Variants in WDR86 observed in about 807,000 individuals in gnomAD.
The protein encoded by WDR86 is WD repeat domain 86.
Under a neutral mutation model 36.5 loss-of-function variants are expected in WDR86, and 30 were observed. That is an observed-to-expected ratio of 0.82 (90% confidence interval 0.61 to 1.11). WDR86 has a LOEUF of 1.11. Among genes scored for constraint, WDR86 ranks in the 50% most tolerant of loss-of-function variants. The pLI, the probability that WDR86 is intolerant of heterozygous loss-of-function variation, is 0.00. For missense variants in WDR86, 545 were observed against 561.2 expected, an observed-to-expected ratio of 0.97 and a Z score of 0.29; for synonymous variants, 255 against 252.9, an observed-to-expected ratio of 1.01 and a Z score of -0.08.
At position 151,381,971 on chromosome 7, in the gene WDR86, G is replaced by A; in HGVS notation, c.873C>T (p.Gly291=). The change falls in exon 5 of 6, where the codon GGC becomes GGT. Residue 291 remains glycine (G), a synonymous_variant. Transcript: ENST00000334493. The surrounding 1 kb of genome is among the most constrained non-coding windows in gnomAD (Gnocchi z 4.8). Reference sequence around the variant, plus strand: ...AGGCCCGGGCGCAAGCGTCCCCGCTGCCCGTGAACACTGCGGACACACAGC... The same window carrying A: ...AGGCCCGGGCGCAAGCGTCCCCGCTACCCGTGAACACTGCGGACACACAGC... ...LKYHAGTLFT[G]SGDACARAFD... 1.2e-6 allele frequency: 2 copies of A among 1,602,974 alleles called. No homozygotes were observed. The highest frequency in any genetic ancestry group is 1.7e-6 in the Non-Finnish European group (2 of 1,175,718).
chr7:151,386,492 C>T (rs956244243), intron 3 of WDR86, among the ~76,000 whole-genome samples: 6 of 152,144 alleles, frequency 3.9e-5, no homozygotes, highest in Non-Finnish European at 5.9e-5. Context: ...GCTGGGGTTA[C>T]GGTGGGCCCC....
At chr7:151,395,382 T>C (rs1177654976) in intron 3 of WDR86, among the ~76,000 whole-genome samples, 1 of 152,110 alleles carries the variant, frequency 6.6e-6, no homozygotes, top group African/African-American at 2.4e-5. Flanking sequence ...CCCCTGTACC[T>C]ATGAATGTGG....
chr7:151,387,282 G>A (rs1799056139), intron 3 of WDR86, among the ~76,000 whole-genome samples: 1 of 152,254 alleles, frequency 6.6e-6, no homozygotes, highest in Admixed American at 6.5e-5. Context: ...GGGTGACCAG[G>A]GCAGGAGAGG....
the WDR86 span, among the ~76,000 whole-genome samples, chr7:151,370,518 TTTTA>T: frequency 6.6e-6 from 1 of 152,118 alleles, no homozygotes; most frequent in Non-Finnish European, 1.5e-5. Flanking sequence ...TTATTTTTAT[TTTTA>T]TTTATTTTTT....
chr7:151,391,450 T>C lies in WDR86; in HGVS notation c.726+4326A>G, dbSNP rs144137955. ...GAGTGGTGTCGGGTGAAAGAAATCA[T>C]ATACAAGGGAAGAGAAAGGCAAGAT... On this transcript the variant is annotated intron_variant, in intron 3 of 5. Coordinates refer to ENST00000334493, the MANE Select transcript of WDR86 (RefSeq NM_198285.3). Among the ~76,000 whole-genome samples the C allele has an allele frequency of 8.5e-3, 1,293 of 152,190 alleles. 18 individuals carry two copies. The highest frequency in any genetic ancestry group is 0.03 in the African/African-American group (1,240 of 41,518).
chr7:151,402,070 A>AATATATATATATATAT (rs748373598), intron 1 of WDR86, among the ~76,000 whole-genome samples: 145 of 50,384 alleles, frequency 2.9e-3, no homozygotes, highest in African/African-American at 3.9e-3. Context: ...AAAAAAAAAA[A>AATATATATATATATAT]ATATATATAT....
At chr7:151,377,213 A>G, downstream of WDR86, 1 of 1,536,494 alleles carries the variant, frequency 6.5e-7, no homozygotes, top group Non-Finnish European at 8.8e-7. Flanking sequence ...AGTCAGCAAC[A>G]AAGAAAAACT....
chr7:151,408,553 TCCTA>T, intron 1 of WDR86: 1 of 206,248 alleles, frequency 4.8e-6, no homozygotes, highest in South Asian at 8.9e-5. Context: ...GGGGCTAATA[TCCTA>T]CCTAAGTTGG....
chr7:151,402,831 A>G lies in WDR86; in HGVS notation c.164-2590T>C, dbSNP rs562925703. Among the ~76,000 whole-genome samples, 12 of 152,302 alleles carry G rather than the reference A, an allele frequency of 7.9e-5. No homozygotes were observed. In the South Asian group the frequency reaches 2.3e-3, roughly 29 times the overall value. ...CACCCTGGCTGCCAGATCAATGTTTATGCCTCAGGCATTGCTTAGCAGCCC... is the reference window on the plus strand; with the variant it reads ...CACCCTGGCTGCCAGATCAATGTTTGTGCCTCAGGCATTGCTTAGCAGCCC... On this transcript the variant is annotated intron_variant, in intron 1 of 5. Transcript: ENST00000334493.
In WDR86 at chr7:151,401,701, G is replaced by A. The variant is rs919665090; in HGVS notation, c.164-1460C>T. Among the ~76,000 whole-genome samples the A allele has an allele frequency of 3.9e-5, 6 of 152,084 alleles. No homozygotes were observed. Among genetic ancestry groups the A allele is most frequent in the South Asian group, 2.1e-4 (1 of 4,832 alleles). On this transcript the variant is annotated intron_variant, in intron 1 of 5. Transcript: ENST00000334493. The surrounding 1 kb of genome is among the most constrained non-coding windows in gnomAD (Gnocchi z 4.3). ...GGAAAGGGGTCTTTGTGGATGTGACGAGGTAAAGACTTTGACTGGGGAGAT... is the reference window on the plus strand; with the variant it reads ...GGAAAGGGGTCTTTGTGGATGTGACAAGGTAAAGACTTTGACTGGGGAGAT...
chr7:151,389,629 T>TC (rs1799266191), intron 3 of WDR86, among the ~76,000 whole-genome samples: 1 of 151,516 alleles, frequency 6.6e-6, no homozygotes, highest in African/African-American at 2.4e-5. Context: ...TGGGAAGGAG[T>TC]CTGCCCGCTC....
rs780989696 is a variant in WDR86 at position 151,409,341 on chromosome 7, GGGTCTGCGGGCGCAGGAGCTGGGGTCCGC to G, written c.163+57_163+85del. 4.5e-5 allele frequency: 68 copies of G among 1,523,264 alleles called. No homozygotes were observed. In the East Asian group the frequency reaches 1.6e-3, roughly 36 times the overall value. 94.4% of individuals were successfully genotyped at this position (1,523,264 alleles called of 1,614,324 possible). A position where few individuals can be genotyped will look rare whatever the true frequency, so the allele number is the denominator to read the frequency against. On this transcript the variant is annotated intron_variant, in intron 1 of 5. Coordinates refer to ENST00000334493, the MANE Select transcript of WDR86 (RefSeq NM_198285.3). The surrounding 1 kb of genome is among the most constrained non-coding windows in gnomAD (Gnocchi z 5.2). ...GAGCGGGGGCTGGACTTCTAGAAAG[GGGTCTGCGGGCGCAGGAGCTGGGGTCCGC>G]GGTCTGGGGCCGGTGAGCTGCGGCG...
At chr7:151,394,664 C>T (rs529818263) in intron 3 of WDR86, among the ~76,000 whole-genome samples, 19 of 152,362 alleles carry the variant, frequency 1.2e-4, no homozygotes, top group African/African-American at 2.6e-4. Flanking sequence ...GTCACGGTCG[C>T]GGCGGCTAAG....
chr7:151,387,102 G>T (rs569659997), intron 3 of WDR86, among the ~76,000 whole-genome samples: 1 of 152,184 alleles, frequency 6.6e-6, no homozygotes, highest in East Asian at 1.9e-4. Context: ...CTGTGCTTGC[G>T]TCCCAGACAG....
chr7:151,402,504 T>C (rs1401389954), intron 1 of WDR86, among the ~76,000 whole-genome samples: 3 of 152,090 alleles, frequency 2.0e-5, no homozygotes, highest in African/African-American at 7.2e-5. Flanking sequence ...GGCACCCCAC[T>C]GGCAGCGGCT....
At chr7:151,369,021 T>G in the WDR86 span, 1 of 1,066,838 alleles carries the variant, frequency 9.4e-7, no homozygotes, top group Non-Finnish European at 1.3e-6. Flanking sequence ...CCTTTTTTTT[T>G]TCTTGAGACA....
chr7:151,392,410 G>C (rs748511752), intron 3 of WDR86, among the ~76,000 whole-genome samples: 15 of 152,174 alleles, frequency 9.9e-5, no homozygotes, highest in African/African-American at 1.4e-4. Flanking sequence ...TGGAACTTAG[G>C]GTTTGTGTTT....
intron 1 of WDR86, among the ~76,000 whole-genome samples, chr7:151,404,888 G>GGTGGGCTGCA (rs1044491643): frequency 5.3e-5 from 8 of 152,288 alleles, no homozygotes; most frequent in Middle Eastern, 3.4e-3. Context: ...CTCTGCCGGC[G>GGTGGGCTGCA]GTGGGCTGCA....
At chr7:151,394,427 T>C (rs1441768459) in intron 3 of WDR86, among the ~76,000 whole-genome samples, 1 of 152,190 alleles carries the variant, frequency 6.6e-6, no homozygotes, top group Non-Finnish European at 1.5e-5. Context: ...TCCAGCCCCG[T>C]CACCCGGAGC....
Sources: allele counts gnomAD v4.1 joint callset (sites outside exome capture counted in the v4.1 genomes callset), GRCh38; gene constraint gnomAD v4.1.1; non-coding constraint Gnocchi (gnomAD v3.1); transcripts MANE v1.5; gene names NCBI Gene and HGNC (gene_info 2026-07-23, HGNC 2026-07-21).